Variants in IL1RAPL1 observed in about 807,000 individuals in gnomAD.
The protein encoded by IL1RAPL1 is interleukin-1 receptor accessory protein-like 1.
Under a neutral mutation model 48.4 loss-of-function variants are expected in IL1RAPL1, and 3 were observed. The ratio of observed to expected loss-of-function variants is 0.06; its 90% CI spans 0.03 to 0.16. The LOEUF is 0.16. Among genes scored for constraint, IL1RAPL1 ranks in the 10% least tolerant of loss-of-function variants. The pLI, the probability that IL1RAPL1 is intolerant of heterozygous loss-of-function variation, is 1.00. For missense variants in IL1RAPL1, 349 were observed against 530.6 expected (o/e 0.66, Z 3.36); for synonymous variants, 185 against 187.7 (o/e 0.99, Z 0.12).
At chrX:29,704,690 A>G (rs1927146721) in intron 6 of IL1RAPL1, among the ~76,000 whole-genome samples, 1 of 111,488 alleles carries the variant, frequency 9.0e-6, no homozygotes, top group African/African-American at 3.3e-5. Context: ...AAAAAAAAGA[A>G]ATAGAAAACC....
chrX:29,228,373 G>A (rs1931128443), intron 2 of IL1RAPL1, among the ~76,000 whole-genome samples: 1 of 101,224 alleles, frequency 9.9e-6, no homozygotes, highest in Non-Finnish European at 2.0e-5. Context: ...GTGTGTGTGT[G>A]AGACAGAGTC....
intron 2 of IL1RAPL1, among the ~76,000 whole-genome samples, chrX:29,101,970 TG>T (rs1928348965): frequency 9.0e-6 from 1 of 111,705 alleles, no homozygotes; most frequent in Non-Finnish European, 1.9e-5. Context: ...TCATTTATCA[TG>T]ACCAAGTGGA....
intron 2 of IL1RAPL1, among the ~76,000 whole-genome samples, chrX:28,865,044 G>GA (rs1458639246): frequency 9.0e-6 from 1 of 111,661 alleles, no homozygotes; most frequent in Non-Finnish European, 1.9e-5. Flanking sequence ...TAGAGTGTTG[G>GA]AAAAAGAGCT....
At chrX:28,933,580 A>G (rs1393667563) in intron 2 of IL1RAPL1, among the ~76,000 whole-genome samples, 1 of 111,362 alleles carries the variant, frequency 9.0e-6, no homozygotes, top group Non-Finnish European at 1.9e-5. Context: ...TGTTATCGGA[A>G]ATGGGCCCTG....
Position 29,014,124 on chromosome X carries a change from A to G in IL1RAPL1, c.82+224699A>G, listed in dbSNP as rs113429497. Among the ~76,000 whole-genome samples, 685 of 111,557 alleles carry G rather than the reference A, an allele frequency of 6.1e-3. 8 individuals carry two copies. The highest frequency in any genetic ancestry group is 0.021 in the African/African-American group (654 of 30,750). On this transcript the variant is annotated intron_variant, in intron 2 of 10. Transcript: ENST00000378993. ...TCATTCCTCACATCAAACAAGGGTA[A>G]TTTTGTAGATGTAGAAGTTTTGATG...
At chrX:29,480,633 A>C (rs1935032860) in intron 5 of IL1RAPL1, among the ~76,000 whole-genome samples, 1 of 110,685 alleles carries the variant, frequency 9.0e-6, no homozygotes, top group African/African-American at 3.3e-5. Context: ...GGTAATGTGT[A>C]CTAAAGGTAA....
At chrX:28,743,361 A>G (rs1196639340) in intron 1 of IL1RAPL1, among the ~76,000 whole-genome samples, 4 of 111,999 alleles carry the variant, frequency 3.6e-5, no homozygotes, top group African/African-American at 1.3e-4. Flanking sequence ...AATCTTTAAA[A>G]TGACTTTTCC....
intron 2 of IL1RAPL1, among the ~76,000 whole-genome samples, chrX:29,000,886 A>G (rs774862612): frequency 3.9e-4 from 41 of 105,679 alleles, no homozygotes; most frequent in Non-Finnish European, 6.0e-4. Context: ...GGGACATAGC[A>G]TGATGTGTGA....
chrX:28,779,711 G>T (rs929628069), intron 1 of IL1RAPL1, among the ~76,000 whole-genome samples: 4 of 90,192 alleles, frequency 4.4e-5, no homozygotes. Context: ...GCTAATTAGC[G>T]TATTGCTCAT....
intron 2 of IL1RAPL1, among the ~76,000 whole-genome samples, chrX:28,940,533 A>T (rs937591593): frequency 1.4e-4 from 16 of 111,243 alleles, no homozygotes; most frequent in Non-Finnish European, 2.3e-4. Flanking sequence ...GCACCTTGCA[A>T]TATCAGAGAC....
intron 2 of IL1RAPL1, among the ~76,000 whole-genome samples, chrX:28,980,556 A>C (rs763208073): frequency 8.9e-6 from 1 of 112,069 alleles, no homozygotes; most frequent in African/African-American, 3.2e-5. Context: ...ACCTTCTGCC[A>C]CATTGTCCAT....
chrX:29,245,243 C>T (rs1013602412), intron 2 of IL1RAPL1, among the ~76,000 whole-genome samples: 1 of 111,359 alleles, frequency 9.0e-6, no homozygotes, highest in African/African-American at 3.3e-5. Context: ...CATACATGTG[C>T]ATGTGTCTTT....
At chrX:28,828,682 T>C (rs1247260159) in intron 2 of IL1RAPL1, among the ~76,000 whole-genome samples, 1 of 112,101 alleles carries the variant, frequency 8.9e-6, no homozygotes, top group African/African-American at 3.2e-5. Flanking sequence ...ACTATAAATG[T>C]GAGGGTTTAT....
chrX:29,258,427 T>C (rs1476605505), intron 2 of IL1RAPL1, among the ~76,000 whole-genome samples: 1 of 111,273 alleles, frequency 9.0e-6, no homozygotes, highest in Non-Finnish European at 1.9e-5. Flanking sequence ...GATGTTTTAG[T>C]TTGAAATCTC....
At chrX:28,931,136 T>A (rs1923871233) in intron 2 of IL1RAPL1, among the ~76,000 whole-genome samples, 1 of 111,664 alleles carries the variant, frequency 9.0e-6, no homozygotes, top group African/African-American at 3.3e-5. Flanking sequence ...ATCAAGGAAA[T>A]GGCTTGCATT....
intron 3 of IL1RAPL1, among the ~76,000 whole-genome samples, chrX:29,391,890 C>T (rs1315134209): frequency 8.9e-6 from 1 of 111,769 alleles, no homozygotes; most frequent in African/African-American, 3.3e-5. Flanking sequence ...TAATAGAATT[C>T]GAAAAACTCA....
At position 28,992,228 on chromosome X, in the gene IL1RAPL1, C is replaced by T. The variant is rs58465622; in HGVS notation, c.82+202803C>T. ...AGTATGGGCTGGGTGCGGTGGCTCA[C>T]ACCTGTAATCCTAGCACTTTGGGAG... On this transcript the variant is annotated intron_variant, in intron 2 of 10. Transcript: ENST00000378993. Among the ~76,000 whole-genome samples the T allele has an allele frequency of 8.0e-3, 894 of 111,292 alleles. 10 individuals carry two copies. Among genetic ancestry groups the T allele is most frequent in the African/African-American group, 0.028 (853 of 30,687 alleles).
intron 5 of IL1RAPL1, among the ~76,000 whole-genome samples, chrX:29,638,716 C>T (rs1925057241): frequency 9.0e-6 from 1 of 111,470 alleles, no homozygotes; most frequent in Non-Finnish European, 1.9e-5. Context: ...TGTGCTATGT[C>T]GAGTTATCTT....
chrX:29,099,743 T>G (rs1928293486), intron 2 of IL1RAPL1, among the ~76,000 whole-genome samples: 1 of 112,344 alleles, frequency 8.9e-6, no homozygotes, highest in Non-Finnish European at 1.9e-5. Context: ...AAGTTGGTAG[T>G]TCTTTTAATA....
Sources: gnomAD v4.1 joint callset for allele counts (sites outside exome capture counted in the v4.1 genomes callset) on GRCh38, gnomAD v4.1.1 for gene constraint, MANE v1.5 for transcripts, NCBI Gene and HGNC (gene_info 2026-07-23, HGNC 2026-07-21) for gene names.